The following PPP5C variants were observed in gnomAD, a reference collection of about 807,000 sequenced individuals.
PPP5C encodes protein phosphatase 5 catalytic subunit, also known as serine/threonine-protein phosphatase 5.
PPP5C carries 21 observed loss-of-function variants against 66.7 expected under a neutral mutation model. The ratio of observed to expected loss-of-function variants is 0.31; its 90% CI spans 0.22 to 0.45. The LOEUF (loss-of-function observed/expected upper bound fraction) is 0.45. PPP5C is among the 20% of genes least tolerant of loss of function. The pLI is 1.00. For missense variants in PPP5C, 464 were observed against 675.9 expected (o/e 0.69, Z 3.48); for synonymous variants, 246 against 257.4 (o/e 0.96, Z 0.43).
In PPP5C at chr19:46,387,009, A is replaced by G. The variant is rs909492233; in HGVS notation, c.905-84A>G. 1.4e-4 allele frequency: 228 copies of G among 1,594,216 alleles called. 2 individuals are homozygous for G. The South Asian group carries it at 1.9e-3, about 13-fold the overall frequency. ...CCATGGGGGCAAGGGACGCATGCAC[A>G]GTTCTGGGCCTTGAGGGTGCCAGGC... On this transcript the variant is annotated intron_variant, in intron 7 of 12. Transcript: ENST00000012443.
chr19:46,358,903 G>C (rs1015198878), intron 2 of PPP5C, among the ~76,000 whole-genome samples: 14 of 152,326 alleles, frequency 9.2e-5, no homozygotes, highest in African/African-American at 3.1e-4. Context: ...AGGGTCAGTG[G>C]CTTCGGGGGA....
At chr19:46,368,265 T>G (rs1972524209) in intron 2 of PPP5C, among the ~76,000 whole-genome samples, 2 of 152,228 alleles carry the variant, frequency 1.3e-5, no homozygotes, top group Admixed American at 1.3e-4. Context: ...ATCGTAAGCT[T>G]CACCAGGTGG....
chr19:46,372,894 C>T (rs539402337), intron 2 of PPP5C, among the ~76,000 whole-genome samples: 197 of 152,364 alleles, frequency 1.3e-3, no homozygotes, highest in African/African-American at 4.6e-3. Flanking sequence ...GACTGAATGA[C>T]CTTCCTCAGG....
In PPP5C at chr19:46,378,300, G is replaced by A. The variant is rs1972731786; in HGVS notation, c.633+1726G>A. Among the ~76,000 whole-genome samples, 3 of 152,026 alleles carry A rather than the reference G, an allele frequency of 2.0e-5. No homozygotes were observed. The South Asian group carries it at 6.2e-4, about 32-fold the overall frequency. On this transcript the variant is annotated intron_variant, in intron 4 of 12. Coordinates refer to ENST00000012443, the MANE Select transcript of PPP5C (RefSeq NM_006247.4). Reference sequence around the variant, plus strand: ...GTATTGTTTAACTCCCAAATATTTGGGGACTTCTAGATGTTACTGTTACTG... The same window carrying A: ...GTATTGTTTAACTCCCAAATATTTGAGGACTTCTAGATGTTACTGTTACTG...
At chr19:46,368,126 T>C (rs748253631) in intron 2 of PPP5C, among the ~76,000 whole-genome samples, 1 of 152,020 alleles carries the variant, frequency 6.6e-6, no homozygotes, top group Non-Finnish European at 1.5e-5. Flanking sequence ...CCTGGAGAGA[T>C]TGTAGAGATT....
intron 11 of PPP5C, among the ~76,000 whole-genome samples, chr19:46,389,726 C>T (rs1161285588): frequency 1.3e-5 from 2 of 152,010 alleles, no homozygotes; most frequent in African/African-American, 4.8e-5. Flanking sequence ...CCTCTGTTCC[C>T]TGCATCTCTG....
rs763956646 is a variant in PPP5C, at chr19:46,390,040, T to C, written c.1356-11T>C. 4 of 1,613,758 alleles carry C rather than the reference T, an allele frequency of 2.5e-6. No homozygotes were observed. The South Asian group carries it at 3.3e-5, about 13-fold the overall frequency. ...CTGACCACACTGTCCACTCTGCTCC[T>C]GTCCCTGCAGCGACCAGATGGGGAA... is the stretch of plus-strand genomic sequence containing the variant. On this transcript the variant is annotated splice_polypyrimidine_tract_variant and intron_variant, in intron 11 of 12. Coordinates refer to ENST00000012443, the MANE Select transcript of PPP5C (RefSeq NM_006247.4).
intron 2 of PPP5C, among the ~76,000 whole-genome samples, chr19:46,362,566 G>T (rs1191244540): frequency 1.3e-5 from 2 of 151,952 alleles, no homozygotes; most frequent in Non-Finnish European, 2.9e-5. Context: ...TTATAAAGTT[G>T]ATTCTATTTA....
chr19:46,349,974 T>C (rs1276000628), intron 1 of PPP5C, among the ~76,000 whole-genome samples: 2 of 135,354 alleles, frequency 1.5e-5, no homozygotes, highest in South Asian at 2.3e-4. Flanking sequence ...TTGCAGGGAG[T>C]AGATTGCGCA....
chr19:46,389,306 A>G (rs1264709155), intron 11 of PPP5C, among the ~76,000 whole-genome samples: 1 of 149,960 alleles, frequency 6.7e-6, no homozygotes, highest in Non-Finnish European at 1.5e-5. Flanking sequence ...CCTGGGGAAG[A>G]GTAAGACTCC....
At chr19:46,350,026 G>A (rs1340677232) in intron 1 of PPP5C, among the ~76,000 whole-genome samples, 1 of 151,674 alleles carries the variant, frequency 6.6e-6, no homozygotes, top group Non-Finnish European at 1.5e-5. Context: ...GTGGGGTGGC[G>A]GTGGGGGGTG....
chr19:46,375,926 C>T (rs1487249514), intron 3 of PPP5C, among the ~76,000 whole-genome samples, 175 bp downstream of exon 3: 1 of 152,186 alleles, frequency 6.6e-6, no homozygotes, highest in Admixed American at 6.5e-5. Flanking sequence ...AAAGCTGGGC[C>T]TCACGCTTCC....
chr19:46,353,467 C>G (rs1202343047), intron 1 of PPP5C, among the ~76,000 whole-genome samples: 1 of 132,450 alleles, frequency 7.6e-6, no homozygotes, highest in Non-Finnish European at 1.5e-5. Context: ...GCTCTTCTTG[C>G]TATCGGAGTG....
At chr19:46,387,777 CAG>C in intron 9 of PPP5C, 2 of 1,252,538 alleles carry the variant, frequency 1.6e-6, no homozygotes, top group South Asian at 1.5e-5. Flanking sequence ...GGGCACACTT[CAG>C]AGAGTTCACC....
At chr19:46,389,582 TCTTTG>T (rs1235736056) in intron 11 of PPP5C, among the ~76,000 whole-genome samples, 1 of 151,958 alleles carries the variant, frequency 6.6e-6, no homozygotes, top group East Asian at 1.9e-4. Flanking sequence ...ATTTTCAGTC[TCTTTG>T]CCTGTGAGTT....
In PPP5C at chr19:46,383,284, T is replaced by C. The variant is rs1568576036; in HGVS notation, c.634-127T>C. The C allele has an allele frequency of 3.2e-6, 5 of 1,548,662 alleles. No individual in the cohort carries two copies. On this transcript the variant is annotated intron_variant, in intron 4 of 12. Transcript: ENST00000012443. The surrounding 1 kb of genome is among the most constrained non-coding windows in gnomAD (Gnocchi z 5.0). ...CGCTCCCCCAGGCCTGCCCTGCCCT[T>C]TTTCTTCTCTCCCTGCTTCTCCCTC...
intron 2 of PPP5C, among the ~76,000 whole-genome samples, chr19:46,358,833 C>T (rs1298106641): frequency 1.3e-5 from 2 of 152,004 alleles, no homozygotes; most frequent in Non-Finnish European, 2.9e-5. Flanking sequence ...TGATGGCATC[C>T]GTGTATGGCA....
chr19:46,370,462 G>A (rs1328419798), intron 2 of PPP5C, among the ~76,000 whole-genome samples: 1 of 152,226 alleles, frequency 6.6e-6, no homozygotes, highest in South Asian at 2.1e-4. Context: ...GCATGGAGCT[G>A]TCATCTAGGG....
At chr19:46,385,266 G>C (rs1758154763) in intron 7 of PPP5C, among the ~76,000 whole-genome samples, 1 of 152,220 alleles carries the variant, frequency 6.6e-6, no homozygotes, top group African/African-American at 2.4e-5. Context: ...CAGGGCTCGA[G>C]GGTGGGAGTA....
Sources: allele counts gnomAD v4.1 joint callset (sites outside exome capture counted in the v4.1 genomes callset), GRCh38; gene constraint gnomAD v4.1.1; non-coding constraint Gnocchi (gnomAD v3.1); transcripts MANE v1.5; gene names NCBI Gene and HGNC (gene_info 2026-07-23, HGNC 2026-07-21).